The following ZNF385D variants were observed in gnomAD, a reference collection of about 807,000 sequenced individuals.
ZNF385D encodes the protein zinc finger protein 385D.
In ZNF385D, 15 loss-of-function variants were observed where a neutral mutation model predicts 35.8. The observed-to-expected ratio is 0.42, with a 90% CI of 0.28 to 0.64. The LOEUF (loss-of-function observed/expected upper bound fraction) is 0.64, where lower values mean the gene tolerates loss of function less well. Ranked by LOEUF, ZNF385D falls within the 30% of genes least tolerant of loss-of-function variation. The pLI is 0.23. For synonymous variants in ZNF385D, 212 were observed against 186.8 expected (o/e 1.13, Z -1.10); for missense variants, 474 against 494.6 (o/e 0.96, Z 0.39).
intron 3 of ZNF385D, among the ~76,000 whole-genome samples, chr3:21,868,837 T>A (rs1697527077): frequency 6.6e-6 from 1 of 152,154 alleles, no homozygotes; most frequent in African/African-American, 2.4e-5. Flanking sequence ...GACTGAATTC[T>A]TATTGCATTG....
chr3:21,554,634 A>T (rs1259567774), intron 3 of ZNF385D, among the ~76,000 whole-genome samples: 1 of 152,140 alleles, frequency 6.6e-6, no homozygotes, highest in Non-Finnish European at 1.5e-5. Flanking sequence ...AGATAGCATA[A>T]TCTTCCAATA....
intron 4 of ZNF385D, chr3:21,459,517 TTAAA>T (rs1703035758): frequency 6.6e-6 from 1 of 152,026 alleles, no homozygotes; most frequent in Non-Finnish European, 1.5e-5. Context: ...AAAAAAAAAT[TTAAA>T]TAATATAAAT....
At chr3:22,007,800 T>C (rs1270927659) in intron 3 of ZNF385D, among the ~76,000 whole-genome samples, 3 of 145,452 alleles carry the variant, frequency 2.1e-5, no homozygotes, top group Admixed American at 6.7e-5. Context: ...TGATATGATA[T>C]ATATATTATT....
intron 3 of ZNF385D, among the ~76,000 whole-genome samples, chr3:21,782,253 G>C (rs73142805): frequency 3.3e-5 from 5 of 151,942 alleles, no homozygotes; most frequent in Non-Finnish European, 7.4e-5. Context: ...TAGTAGTGCC[G>C]GCCAAGTGGA....
chr3:22,317,416 G>A (rs1033436116), intron 2 of ZNF385D, among the ~76,000 whole-genome samples: 2 of 151,888 alleles, frequency 1.3e-5, no homozygotes, highest in African/African-American at 2.4e-5. Flanking sequence ...AAAAGAGACT[G>A]GGAGTCATCA....
chr3:21,680,065 G>T (rs2066852688), intron 1 of ZNF385D, among the ~76,000 whole-genome samples: 1 of 152,076 alleles, frequency 6.6e-6, no homozygotes, highest in Non-Finnish European at 1.5e-5. Context: ...TTTATGGTCA[G>T]TGGAAAAATA....
intron 3 of ZNF385D, among the ~76,000 whole-genome samples, chr3:22,164,233 T>G (rs1380775873): frequency 7.4e-6 from 1 of 136,028 alleles, no homozygotes; most frequent in Admixed American, 7.4e-5. Flanking sequence ...TTTTTTTTTT[T>G]TTTTTTTTTT....
chr3:22,154,588 G>C (rs13319229), intron 3 of ZNF385D, among the ~76,000 whole-genome samples: 7,485 of 152,218 alleles, frequency 0.049, 243 homozygotes, highest in Non-Finnish European at 0.075. Flanking sequence ...TCCTAAATGA[G>C]GTATGAGCCA....
At chr3:21,441,459 G>GT (rs1227789293) in intron 4 of ZNF385D, among the ~76,000 whole-genome samples, 1 of 152,036 alleles carries the variant, frequency 6.6e-6, no homozygotes, top group African/African-American at 2.4e-5. Context: ...CTCTTCATTT[G>GT]TTTTTTATTG....
At chr3:22,097,271 G>A (rs748096913) in intron 3 of ZNF385D, among the ~76,000 whole-genome samples, 3 of 151,972 alleles carry the variant, frequency 2.0e-5, no homozygotes, top group South Asian at 2.1e-4. Context: ...TAACTGAACT[G>A]GAATTTGATA....
At chr3:21,638,061 G>T (rs2065497246) in intron 2 of ZNF385D, among the ~76,000 whole-genome samples, 1 of 151,922 alleles carries the variant, frequency 6.6e-6, no homozygotes, top group Non-Finnish European at 1.5e-5. Context: ...AAATAATACT[G>T]GTCATTACAT....
At chr3:21,724,563 A>C (rs1313130449) in intron 1 of ZNF385D, among the ~76,000 whole-genome samples, 1 of 151,342 alleles carries the variant, frequency 6.6e-6, no homozygotes, top group Non-Finnish European at 1.5e-5. Context: ...ACTTTAAACC[A>C]ACAAAGATCA....
At chr3:21,730,748 G>T (rs950906780) in intron 1 of ZNF385D, among the ~76,000 whole-genome samples, 5 of 152,188 alleles carry the variant, frequency 3.3e-5, no homozygotes, top group African/African-American at 1.2e-4. Flanking sequence ...CTATCAAAAA[G>T]CCTTCTTAAA....
intron 2 of ZNF385D, among the ~76,000 whole-genome samples, chr3:22,182,301 TA>T: frequency 6.6e-6 from 1 of 152,292 alleles, no homozygotes. Flanking sequence ...AATTACCACC[TA>T]ACCAAAACCA....
At chr3:22,248,766 C>T (rs1335125255) in intron 2 of ZNF385D, among the ~76,000 whole-genome samples, 1 of 152,200 alleles carries the variant, frequency 6.6e-6, no homozygotes, top group Middle Eastern at 3.4e-3. Context: ...ATCTGTGTCG[C>T]CTTTGTGTAG....
chr3:21,822,421 G>T (rs187266236), intron 3 of ZNF385D, among the ~76,000 whole-genome samples: 1 of 152,224 alleles, frequency 6.6e-6, no homozygotes, highest in African/African-American at 2.4e-5. Flanking sequence ...AAATTAAAAA[G>T]TTGGCTAAAC....
intron 2 of ZNF385D, among the ~76,000 whole-genome samples, chr3:21,641,794 A>C (rs540753155): frequency 2.0e-4 from 30 of 152,100 alleles, no homozygotes; most frequent in Admixed American, 1.8e-3. Context: ...TGAGTGTAAA[A>C]GAGTCCTTGG....
At chr3:21,597,263 A>G (rs944091169) in intron 2 of ZNF385D, among the ~76,000 whole-genome samples, 3 of 152,036 alleles carry the variant, frequency 2.0e-5, no homozygotes, top group African/African-American at 7.2e-5. Flanking sequence ...TTATCATGTG[A>G]CTCGAAGATC....
intron 2 of ZNF385D, among the ~76,000 whole-genome samples, chr3:22,217,623 T>C (rs1322955412): frequency 6.6e-6 from 1 of 152,182 alleles, no homozygotes; most frequent in Non-Finnish European, 1.5e-5. Context: ...TTGTAGATAT[T>C]TTGTGTTAAA....
Sources: gnomAD v4.1 joint callset for allele counts (sites outside exome capture counted in the v4.1 genomes callset) on GRCh38, gnomAD v4.1.1 for gene constraint, MANE v1.5 for transcripts, NCBI Gene and HGNC (gene_info 2026-07-23, HGNC 2026-07-21) for gene names.